The following LDHC variants were observed in gnomAD, a reference collection of about 807,000 sequenced individuals.
LDHC encodes L-lactate dehydrogenase C chain.
A neutral mutation model predicts 30.2 loss-of-function variants in LDHC; 20 were observed. The observed-to-expected ratio is 0.66, with a 90% CI of 0.47 to 0.96. LDHC has a LOEUF of 0.96. Among genes scored for constraint, LDHC ranks in the 40% least tolerant of loss-of-function variants. The probability of loss-of-function intolerance (pLI) is 0.00; values close to 1 mark genes in which losing one functional copy is unlikely to be tolerated. For synonymous variants in LDHC, 139 were observed against 132.7 expected, an observed-to-expected ratio of 1.05 and a Z score of -0.32; for missense variants, 362 against 394.9, an observed-to-expected ratio of 0.92 and a Z score of 0.71.
intron 4 of LDHC, among the ~76,000 whole-genome samples, chr11:18,430,883 G>C (rs141437469): frequency 1.4e-3 from 218 of 152,300 alleles, no homozygotes; most frequent in African/African-American, 4.9e-3. Context: ...TACCAAACAG[G>C]TTGGGCATTG....
At position 18,443,435 on chromosome 11, in the gene LDHC, T is replaced by C. The variant is rs1848499439; in HGVS notation, c.711-2775T>C. 2.6e-5 allele frequency among the ~76,000 whole-genome samples: 4 copies of C among 151,416 alleles called. No homozygotes were observed. The Admixed American group carries it at 2.6e-4, about 10-fold the overall frequency. ...TCACTAATAATTGTACCACAGAGAATGGTAGTTCTTTCTTTTCTTTCTTTC... is the reference window on the plus strand; with the variant it reads ...TCACTAATAATTGTACCACAGAGAACGGTAGTTCTTTCTTTTCTTTCTTTC... On this transcript the variant is annotated intron_variant, in intron 6 of 7. Coordinates refer to ENST00000541669, the MANE Select transcript of LDHC (RefSeq NM_017448.5).
rs999703770 is a variant in LDHC at position 18,451,307 on chromosome 11, A to G, written c.*180A>G. The G allele has an allele frequency of 6.5e-6, 3 of 458,230 alleles. No homozygotes were observed. The highest frequency in any genetic ancestry group is 4.5e-5 in the Admixed American group (1 of 22,300). 28.4% of individuals were successfully genotyped at this position (458,230 alleles called of 1,614,324 possible). ...TGGTAAAGAGATTTTCCTCTTTAAG[A>G]ATCATTTATAGCTCTATTCTAATGA... On this transcript the variant is annotated 3_prime_UTR_variant, in exon 8 of 8. Transcript: ENST00000541669.
intron 2 of LDHC, among the ~76,000 whole-genome samples, chr11:18,414,654 C>T (rs552521241): frequency 8.3e-4 from 127 of 152,130 alleles, no homozygotes; most frequent in African/African-American, 3.0e-3. Flanking sequence ...ATGGTGAAAC[C>T]CCGTCTGTAC....
Position 18,451,433 on chromosome 11 carries a change from G to A in LDHC, c.*306G>A, listed in dbSNP as rs893635936. 3 of 168,000 alleles carry A rather than the reference G, an allele frequency of 1.8e-5. No homozygotes were observed. Among genetic ancestry groups the A allele is most frequent in the South Asian group, 2.0e-4 (1 of 5,010 alleles). The allele number at this position is 168,000 out of a possible 1,614,324, so 10.4% of individuals were successfully genotyped here. ...ATATGTATAATCACTATAATACAGA[G>A]CTTTGATTCTTTTCACAAACCAAGC... On this transcript the variant is annotated 3_prime_UTR_variant, in exon 8 of 8. Transcript: ENST00000541669.
At chr11:18,417,318 T>C (rs964327505) in intron 3 of LDHC, among the ~76,000 whole-genome samples, 9 of 152,208 alleles carry the variant, frequency 5.9e-5, no homozygotes, top group Non-Finnish European at 1.0e-4. Context: ...TCAATAATGA[T>C]CATTTAGATT....
chr11:18,439,928 G>A (rs1268974464), intron 6 of LDHC, among the ~76,000 whole-genome samples: 1 of 151,526 alleles, frequency 6.6e-6, no homozygotes, highest in African/African-American at 2.4e-5. Context: ...GGAGGCAGAG[G>A]TTGCAGTGAG....
chr11:18,428,862 G>A (rs1848211934), intron 3 of LDHC, among the ~76,000 whole-genome samples: 2 of 132,744 alleles, frequency 1.5e-5, no homozygotes, highest in Admixed American at 8.3e-5. Context: ...GCAACAGAGT[G>A]AGACACTATC....
intron 6 of LDHC, among the ~76,000 whole-genome samples, chr11:18,444,003 TCAGCTCTTTTTACACAA>T (rs949963935): frequency 5.3e-5 from 8 of 152,166 alleles, no homozygotes; most frequent in Non-Finnish European, 8.8e-5. Flanking sequence ...TAAAAACTAC[TCAGCTCTTTTTACACAA>T]CAGCTTCTGA....
In LDHC at chr11:18,438,621, A is replaced by G. The variant is rs1355900430; in HGVS notation, c.686A>G (p.Asn229Ser). The part of the protein sequence containing the change: ...GTDSDKEHWK[N>S]IHKQVIQSAY... ...GATTCAGATAAGGAACACTGGAAAA[A>G]TATCCATAAACAAGTTATTCAAAGG... Residue 229 changes from asparagine (N) to serine (S), a missense_variant, in exon 6 of 8, where the codon AAT (asparagine) becomes AGT (serine). Transcript: ENST00000541669. 1 of 1,601,686 alleles carries G rather than the reference A, an allele frequency of 6.2e-7. No individual in the cohort carries two copies. The highest frequency in any genetic ancestry group is 1.7e-5 in the Admixed American group (1 of 59,992).
At chr11:18,438,763 T>G in intron 6 of LDHC, 118 bp downstream of exon 6, 1 of 523,064 alleles carries the variant, frequency 1.9e-6, no homozygotes, top group South Asian at 2.7e-5. Flanking sequence ...TCTAGGCTCC[T>G]GAAAACCACT....
chr11:18,425,019 T>TA (rs1565049467), intron 3 of LDHC, among the ~76,000 whole-genome samples: 1 of 151,896 alleles, frequency 6.6e-6, no homozygotes, highest in African/African-American at 2.4e-5. Flanking sequence ...ACAAAACAAA[T>TA]AAAAAAACAA....
At chr11:18,440,682 C>T (rs933606878) in intron 6 of LDHC, among the ~76,000 whole-genome samples, 1 of 151,876 alleles carries the variant, frequency 6.6e-6, no homozygotes, top group Non-Finnish European at 1.5e-5. Flanking sequence ...TAATCCCAAC[C>T]CTTTGGGAGG....
At chr11:18,425,082 TG>T (rs1386076940) in intron 3 of LDHC, among the ~76,000 whole-genome samples, 1 of 152,196 alleles carries the variant, frequency 6.6e-6, no homozygotes, top group Non-Finnish European at 1.5e-5. Flanking sequence ...AAAAGTAATG[TG>T]ATTTTTTGCC....
intron 6 of LDHC, 85 bp from the exon 7 acceptor site, chr11:18,446,125 C>CT (rs1434775352): frequency 8.4e-7 from 1 of 1,186,948 alleles, no homozygotes; most frequent in Non-Finnish European, 1.2e-6. Flanking sequence ...ATGTAGATAA[C>CT]TTTAAAATGG....
chr11:18,437,588 T>TAAAATACA (rs1303915486), intron 5 of LDHC, among the ~76,000 whole-genome samples: 1 of 151,804 alleles, frequency 6.6e-6, no homozygotes, highest in African/African-American at 2.4e-5. Context: ...CCGTCTCTAC[T>TAAAATACA]AAAAATACAA....
chr11:18,432,239 C>T (rs555889235), intron 4 of LDHC, among the ~76,000 whole-genome samples: 31 of 152,262 alleles, frequency 2.0e-4, no homozygotes, highest in African/African-American at 7.2e-4. Flanking sequence ...CATTCAGGAG[C>T]AGGTTATTTA....
intron 7 of LDHC, among the ~76,000 whole-genome samples, chr11:18,448,131 T>G (rs917902621): frequency 2.0e-5 from 3 of 151,660 alleles, no homozygotes. Context: ...TTTCTGAGGC[T>G]GCAGAACCTA....
chr11:18,448,624 A>C (rs1452718727), intron 7 of LDHC, among the ~76,000 whole-genome samples: 1 of 152,152 alleles, frequency 6.6e-6, no homozygotes, highest in Non-Finnish European at 1.5e-5. Flanking sequence ...TTGACGTTAC[A>C]AGCAGAGTCA....
At chr11:18,427,529 C>A (rs1208054702) in intron 3 of LDHC, among the ~76,000 whole-genome samples, 3 of 151,958 alleles carry the variant, frequency 2.0e-5, no homozygotes, top group Non-Finnish European at 4.4e-5. Context: ...TTGCTCCAGA[C>A]CACTGTAGTT....
Sources: gnomAD v4.1 joint callset for allele counts (sites outside exome capture counted in the v4.1 genomes callset) on GRCh38, gnomAD v4.1.1 for gene constraint, MANE v1.5 for transcripts, NCBI Gene and HGNC (gene_info 2026-07-23, HGNC 2026-07-21) for gene names.